Variants in KLHDC1 observed in about 807,000 individuals in gnomAD.
The protein encoded by KLHDC1 is kelch domain-containing protein 1.
Under a neutral mutation model 68.3 loss-of-function variants are expected in KLHDC1, and 53 were observed. The ratio of observed to expected loss-of-function variants is 0.78; its 90% confidence interval spans 0.62 to 0.98. The LOEUF (loss-of-function observed/expected upper bound fraction) is 0.98. KLHDC1 is among the 50% of genes least tolerant of loss of function. The probability of loss-of-function intolerance (pLI) is 0.00; values close to 1 mark genes in which losing one functional copy is unlikely to be tolerated. For missense variants in KLHDC1, 470 were observed against 492.3 expected (o/e 0.95, Z 0.43); for synonymous variants, 148 against 159.0 (o/e 0.93, Z 0.52).
At chr14:49,693,819 G>C (rs574681943) in intron 1 of KLHDC1, among the ~76,000 whole-genome samples, 1 of 138,992 alleles carries the variant, frequency 7.2e-6, no homozygotes, top group South Asian at 2.3e-4. Context: ...AACGATCTCA[G>C]CTCACCGCAA....
chr14:49,712,442 A>T (rs1346116387), intron 4 of KLHDC1, among the ~76,000 whole-genome samples: 1 of 151,832 alleles, frequency 6.6e-6, no homozygotes, highest in Non-Finnish European at 1.5e-5. Flanking sequence ...AGTTAAGCAA[A>T]TTCATGTTCT....
Position 49,729,516 on chromosome 14 carries a change from T to G in KLHDC1, c.678T>G (p.Tyr226Ter), listed in dbSNP as rs1888751061. 1.2e-6 allele frequency: 2 copies of G among 1,611,090 alleles called. No individual in the cohort carries two copies. The highest frequency in any genetic ancestry group is 1.7e-6 in the Non-Finnish European group (2 of 1,177,642). Residue 226 changes from tyrosine to a stop codon, truncating the protein, a stop_gained, in exon 8 of 13, where the codon TAT becomes TAG. Transcript: ENST00000359332. LOFTEE classifies it high-confidence loss of function. ...AAACTAGGATGAATGATTTGCACTA[T>G]CTAAACCTAGACACCTGGACTTGGT... ...VLQTRMNDLH[Y>*]LNLDTWTWSG...
intron 1 of KLHDC1, among the ~76,000 whole-genome samples, chr14:49,706,315 A>T (rs965297738): frequency 6.6e-6 from 1 of 152,182 alleles, no homozygotes; most frequent in Admixed American, 6.5e-5. Flanking sequence ...ACAGGATCTC[A>T]TTCTTTTTTA....
chr14:49,716,335 G>A (rs1439704810), intron 4 of KLHDC1, among the ~76,000 whole-genome samples: 2 of 151,936 alleles, frequency 1.3e-5, no homozygotes, highest in Non-Finnish European at 2.9e-5. Context: ...GATTGCCCTA[G>A]GCAAGGGAAT....
chr14:49,739,774 C>T (rs893914306), intron 10 of KLHDC1, among the ~76,000 whole-genome samples: 21 of 152,000 alleles, frequency 1.4e-4, no homozygotes, highest in African/African-American at 5.1e-4. Flanking sequence ...TCTCTGGCTG[C>T]GTGTGGTGGC....
intron 1 of KLHDC1, among the ~76,000 whole-genome samples, chr14:49,704,238 G>A (rs1228130777): frequency 6.6e-6 from 1 of 151,836 alleles, no homozygotes; most frequent in Admixed American, 6.6e-5. Flanking sequence ...TGTGTCTTTT[G>A]TAAAAATGCT....
intron 8 of KLHDC1, among the ~76,000 whole-genome samples, chr14:49,730,212 A>T (rs1291651590): frequency 7.0e-6 from 1 of 142,160 alleles, no homozygotes; most frequent in African/African-American, 2.5e-5. Flanking sequence ...ACTGGAAACA[A>T]TATTTGCAGG....
At chr14:49,703,800 A>G (rs766915324) in intron 1 of KLHDC1, among the ~76,000 whole-genome samples, 4 of 152,188 alleles carry the variant, frequency 2.6e-5, no homozygotes, top group Non-Finnish European at 5.9e-5. Context: ...AGATCCATTC[A>G]TTTGATGTAT....
At chr14:49,698,290 G>A (rs1887799456) in intron 1 of KLHDC1, among the ~76,000 whole-genome samples, 1 of 151,962 alleles carries the variant, frequency 6.6e-6, no homozygotes, top group South Asian at 2.1e-4. Flanking sequence ...TGCAACCTCC[G>A]CCTCCTAGGT....
intron 4 of KLHDC1, among the ~76,000 whole-genome samples, chr14:49,722,897 G>C (rs1196016111): frequency 6.7e-6 from 1 of 150,034 alleles, no homozygotes; most frequent in Non-Finnish European, 1.5e-5. Flanking sequence ...GACCAGCCTG[G>C]CCAACATGGT....
In KLHDC1 at chr14:49,733,583, A is replaced by G. The variant is rs371144546; in HGVS notation, c.823+767A>G. On this transcript the variant is annotated intron_variant, in intron 9 of 12. Coordinates refer to ENST00000359332, the MANE Select transcript of KLHDC1 (RefSeq NM_172193.3). ...GCTGGGATTACAGGTGCCCACCACCACGCTCAGCTAATTTTTGTATGTAGA... is the reference window on the plus strand; with the variant it reads ...GCTGGGATTACAGGTGCCCACCACCGCGCTCAGCTAATTTTTGTATGTAGA... Among the ~76,000 whole-genome samples, 16 of 150,992 alleles carry G rather than the reference A, an allele frequency of 1.1e-4. 2 individuals are homozygous for G. Among genetic ancestry groups the G allele is most frequent in the Admixed American group, 8.6e-4 (13 of 15,182 alleles).
chr14:49,738,982 AAT>A (rs1888997923), intron 10 of KLHDC1, among the ~76,000 whole-genome samples: 1 of 152,212 alleles, frequency 6.6e-6, no homozygotes, highest in Non-Finnish European at 1.5e-5. Flanking sequence ...AGGACCTCAT[AAT>A]CTTAGTTAGC....
intron 1 of KLHDC1, among the ~76,000 whole-genome samples, chr14:49,705,207 C>T (rs201297745): frequency 1.3e-5 from 2 of 151,926 alleles, no homozygotes; most frequent in South Asian, 2.1e-4. Flanking sequence ...GTACTGAAGG[C>T]GTACTGTGTG....
intron 1 of KLHDC1, among the ~76,000 whole-genome samples, chr14:49,702,671 G>A (rs1887940700): frequency 1.3e-5 from 2 of 152,118 alleles, no homozygotes; most frequent in Non-Finnish European, 2.9e-5. Flanking sequence ...TATCCTCAAT[G>A]TCTAGAACTG....
Position 49,709,176 on chromosome 14 carries a change from A to G in KLHDC1, c.114A>G (p.Glu38=). 7.4e-7 allele frequency: 1 copy of G among 1,358,468 alleles called. No homozygotes were observed. The highest frequency in any genetic ancestry group is 1.9e-5 in the Admixed American group (1 of 51,804). The allele number at this position is 1,358,468 out of a possible 1,614,324, so 84.2% of individuals were successfully genotyped here. A position where few individuals can be genotyped will look rare whatever the true frequency, so the allele number is the denominator to read the frequency against. Reference sequence around the variant, plus strand: ...ATTTTTAGTCTATTGAAGACAATGAAGTATATTTGCCTAATGATGAAATTT... The same window carrying G: ...ATTTTTAGTCTATTGAAGACAATGAGGTATATTTGCCTAATGATGAAATTT... ...WGGYVSIEDN[E]VYLPNDEIWT... is the part of the protein sequence containing the mutation. The change falls in exon 2 of 13, where the codon GAA becomes GAG. Residue 38 remains glutamate (E), a synonymous_variant. Transcript: ENST00000359332.
chr14:49,693,188 G>A lies in KLHDC1; in HGVS notation c.-7G>A, dbSNP rs1887615807. 1.9e-6 allele frequency: 3 copies of A among 1,578,472 alleles called. No homozygotes were observed. In the African/African-American group the frequency reaches 4.2e-5, roughly 22 times the overall value. Reference sequence around the variant, plus strand: ...GCGCGGCAAGCGGCGGGCCAGCGACGGCGCGAATGGCGGACTCTCAGCTGT... The same window carrying A: ...GCGCGGCAAGCGGCGGGCCAGCGACAGCGCGAATGGCGGACTCTCAGCTGT... On this transcript the variant is annotated 5_prime_UTR_variant, in exon 1 of 13. Transcript: ENST00000359332.
rs547011781 is a variant in KLHDC1 at position 49,707,118 on chromosome 14, C to A, written c.97-2041C>A. 4.4e-4 allele frequency among the ~76,000 whole-genome samples: 67 copies of A among 152,160 alleles called. 1 individual carries two copies. Among genetic ancestry groups the A allele is most frequent in the Admixed American group, 7.9e-4 (12 of 15,276 alleles). ...TTGTAGTTGTTTTATAGTTTGAAGT[C>A]TTAGATTTAAGTCTTTAATCCATTT... On this transcript the variant is annotated intron_variant, in intron 1 of 12. Coordinates refer to ENST00000359332, the MANE Select transcript of KLHDC1 (RefSeq NM_172193.3).
intron 1 of KLHDC1, among the ~76,000 whole-genome samples, chr14:49,703,204 T>C (rs953083340): frequency 1.2e-4 from 19 of 152,088 alleles, no homozygotes; most frequent in African/African-American, 4.6e-4. Context: ...TTATCCTGCA[T>C]TGATTACATT....
At chr14:49,726,175 G>A (rs565527894) in intron 6 of KLHDC1, among the ~76,000 whole-genome samples, 2 of 152,242 alleles carry the variant, frequency 1.3e-5, no homozygotes, top group African/African-American at 4.8e-5. Flanking sequence ...TTGTAATTAG[G>A]TTTGTAATCA....
Sources: gnomAD v4.1 joint callset for allele counts (sites outside exome capture counted in the v4.1 genomes callset) on GRCh38, gnomAD v4.1.1 for gene constraint, MANE v1.5 for transcripts, NCBI Gene and HGNC (gene_info 2026-07-23, HGNC 2026-07-21) for gene names.